The following KCNH8 variants were observed in gnomAD, a reference collection of about 807,000 sequenced individuals.
KCNH8 encodes voltage-gated delayed rectifier potassium channel KCNH8.
In KCNH8, 70 loss-of-function variants were observed where a neutral mutation model predicts 103.6. The observed-to-expected ratio is 0.68, with a 90% CI of 0.56 to 0.82. KCNH8 has a LOEUF of 0.82. KCNH8 is among the 40% of genes least tolerant of loss of function. The pLI is 0.00. For synonymous variants in KCNH8, 498 were observed against 489.4 expected, an observed-to-expected ratio of 1.02 and a Z score of -0.23; for missense variants, 1,217 against 1,329.9, an observed-to-expected ratio of 0.92 and a Z score of 1.32.
intron 5 of KCNH8, among the ~76,000 whole-genome samples, chr3:19,372,044 G>T (rs2066105614): frequency 6.6e-6 from 1 of 152,154 alleles, no homozygotes; most frequent in African/African-American, 2.4e-5. Context: ...GTCAGATAGT[G>T]TGATGCCTCC....
intron 1 of KCNH8, among the ~76,000 whole-genome samples, chr3:19,198,096 C>T (rs1298738827): frequency 2.0e-5 from 3 of 152,072 alleles, no homozygotes; most frequent in African/African-American, 7.2e-5. Context: ...CAATTGCAAA[C>T]ATTTATTGAG....
At chr3:19,459,473 G>T (rs1229722005) in intron 11 of KCNH8, among the ~76,000 whole-genome samples, 3 of 151,872 alleles carry the variant, frequency 2.0e-5, no homozygotes, top group African/African-American at 7.2e-5. Context: ...TGTTGTTACT[G>T]AGTTGAGTTT....
chr3:19,414,349 A>G (rs1160747538), intron 7 of KCNH8, among the ~76,000 whole-genome samples: 1 of 152,076 alleles, frequency 6.6e-6, no homozygotes. Flanking sequence ...GTCACCACTA[A>G]ATAAAATTTA....
At chr3:19,327,608 A>G (rs1184360623) in intron 3 of KCNH8, among the ~76,000 whole-genome samples, 3 of 152,148 alleles carry the variant, frequency 2.0e-5, no homozygotes, top group African/African-American at 7.2e-5. Flanking sequence ...ATAATTATAG[A>G]CAATCTAACC....
intron 1 of KCNH8, among the ~76,000 whole-genome samples, chr3:19,243,893 TA>T: frequency 6.6e-6 from 1 of 152,294 alleles, no homozygotes; most frequent in African/African-American, 2.4e-5. Context: ...CAAGTTAAAT[TA>T]AATATTTTGG....
intron 11 of KCNH8, among the ~76,000 whole-genome samples, chr3:19,495,881 G>T (rs1353171368): frequency 6.6e-6 from 1 of 152,000 alleles, no homozygotes; most frequent in Non-Finnish European, 1.5e-5. Flanking sequence ...TCCTTGAGCG[G>T]TGTTTTATAA....
intron 2 of KCNH8, among the ~76,000 whole-genome samples, chr3:19,255,819 A>T (rs962799413): frequency 5.3e-5 from 8 of 152,142 alleles, no homozygotes; most frequent in Admixed American, 4.6e-4. Flanking sequence ...CCTTAAAAAG[A>T]AAAAGTTAAG....
At chr3:19,439,519 A>G (rs1437979944) in intron 8 of KCNH8, among the ~76,000 whole-genome samples, 1 of 152,214 alleles carries the variant, frequency 6.6e-6, no homozygotes, top group African/African-American at 2.4e-5. Context: ...TATGAGGTTC[A>G]TGATCCAAAG....
rs537537768 is a variant in KCNH8 at position 19,500,432 on chromosome 3, G to A, written c.2041-9931G>A. ...AATTGAACTCAGCTCTGCACCAAGC[G>A]GACCTAATAGACATCTACAGAACTC... On this transcript the variant is annotated intron_variant, in intron 11 of 15. Coordinates refer to ENST00000328405, the MANE Select transcript of KCNH8 (RefSeq NM_144633.3). Among the ~76,000 whole-genome samples, 77 of 152,096 alleles carry A rather than the reference G, an allele frequency of 5.1e-4. 1 individual carries two copies. The highest frequency in any genetic ancestry group is 4.4e-3 in the South Asian group (21 of 4,812).
At chr3:19,202,854 T>C (rs1185756016) in intron 1 of KCNH8, among the ~76,000 whole-genome samples, 1 of 152,270 alleles carries the variant, frequency 6.6e-6, no homozygotes, top group Non-Finnish European at 1.5e-5. Flanking sequence ...GATGATAACA[T>C]GTAATGTGCA....
At chr3:19,254,302 A>C (rs1423748058) in intron 2 of KCNH8, among the ~76,000 whole-genome samples, 4 of 152,020 alleles carry the variant, frequency 2.6e-5, no homozygotes, top group Non-Finnish European at 5.9e-5. Flanking sequence ...AAAGACAGAG[A>C]TCTGTGTGTT....
intron 5 of KCNH8, among the ~76,000 whole-genome samples, chr3:19,387,176 A>G (rs1276762728): frequency 6.6e-6 from 1 of 152,128 alleles, no homozygotes; most frequent in Non-Finnish European, 1.5e-5. Flanking sequence ...TCATCTCACC[A>G]CATTTAATTC....
At chr3:19,422,801 G>A (rs968402514) in intron 7 of KCNH8, among the ~76,000 whole-genome samples, 2 of 152,030 alleles carry the variant, frequency 1.3e-5, no homozygotes, top group Non-Finnish European at 2.9e-5. Flanking sequence ...TTACCTATAG[G>A]CAGATAACCA....
chr3:19,349,060 C>A (rs142253073), intron 5 of KCNH8, among the ~76,000 whole-genome samples: 1 of 151,912 alleles, frequency 6.6e-6, no homozygotes, highest in East Asian at 2.0e-4. Context: ...TGGGCACACC[C>A]TTCAGAGCCT....
At chr3:19,289,177 G>A (rs1400928945) in intron 3 of KCNH8, among the ~76,000 whole-genome samples, 6 of 151,886 alleles carry the variant, frequency 4.0e-5, no homozygotes, top group Admixed American at 3.9e-4. Context: ...TCTGTAGGTT[G>A]CCTGTTCACT....
intron 7 of KCNH8, among the ~76,000 whole-genome samples, chr3:19,411,263 A>C (rs2066774516): frequency 6.6e-6 from 1 of 152,108 alleles, no homozygotes; most frequent in Non-Finnish European, 1.5e-5. Context: ...AAAAGCAGAA[A>C]CCATATGATC....
chr3:19,399,740 C>G (rs750413602), intron 7 of KCNH8, among the ~76,000 whole-genome samples: 32 of 151,864 alleles, frequency 2.1e-4, no homozygotes, highest in Non-Finnish European at 4.0e-4. Context: ...GCCACCTGTT[C>G]AAACTTATAT....
intron 1 of KCNH8, among the ~76,000 whole-genome samples, chr3:19,182,380 A>T (rs1029102365): frequency 6.6e-6 from 1 of 151,832 alleles, no homozygotes; most frequent in African/African-American, 2.4e-5. Flanking sequence ...AATACAAAAA[A>T]ATTAGCCAGG....
chr3:19,386,506 C>A (rs1374798472), intron 5 of KCNH8, among the ~76,000 whole-genome samples: 1 of 152,016 alleles, frequency 6.6e-6, no homozygotes, highest in Non-Finnish European at 1.5e-5. Context: ...TATATAAGCA[C>A]ATGGAGACAT....
Sources: allele counts gnomAD v4.1 joint callset (sites outside exome capture counted in the v4.1 genomes callset), GRCh38; gene constraint gnomAD v4.1.1; transcripts MANE v1.5; gene names NCBI Gene and HGNC (gene_info 2026-07-23, HGNC 2026-07-21).